Variants in SSU72 observed in about 807,000 individuals in gnomAD.
The protein encoded by SSU72 is RNA polymerase II subunit A C-terminal domain phosphatase SSU72.
Under a neutral mutation model 22.7 loss-of-function variants are expected in SSU72, and 12 were observed. The ratio of observed to expected loss-of-function variants is 0.53; its 90% confidence interval spans 0.34 to 0.86. The LOEUF (loss-of-function observed/expected upper bound fraction) is 0.86, where lower values mean the gene tolerates loss of function less well. SSU72 is among the 40% of genes least tolerant of loss of function. The pLI, the probability that SSU72 is intolerant of heterozygous loss-of-function variation, is 0.02. For synonymous variants in SSU72, 116 were observed against 98.3 expected, an observed-to-expected ratio of 1.18 and a Z score of -1.06; for missense variants, 151 against 249.8, an observed-to-expected ratio of 0.60 and a Z score of 2.67.
chr1:1,564,423 G>A, intron 2 of SSU72: 2 of 1,440,734 alleles, frequency 1.4e-6, no homozygotes. Flanking sequence ...AACCTGCAAA[G>A]GAAATAACGG....
chr1:1,571,828 C>T (rs1414001794), intron 1 of SSU72, among the ~76,000 whole-genome samples: 7 of 151,690 alleles, frequency 4.6e-5, no homozygotes, highest in Non-Finnish European at 1.0e-4. Context: ...CGCTCTGTCA[C>T]CCAGGCTGGA....
rs997806174 is a variant in SSU72 at position 1,554,716 on chromosome 1, G to A, written c.225-9714C>T. Among the ~76,000 whole-genome samples the A allele has an allele frequency of 2.0e-5, 3 of 152,014 alleles. No homozygotes were observed. Among genetic ancestry groups the A allele is most frequent in the Non-Finnish European group, 2.9e-5 (2 of 67,980 alleles). ...GCCAGTGTGGCTGGCACCAGGGACCGCACTCTCCCACCACGGCCTGGGAAA... is the reference window on the plus strand; with the variant it reads ...GCCAGTGTGGCTGGCACCAGGGACCACACTCTCCCACCACGGCCTGGGAAA... On this transcript the variant is annotated intron_variant, in intron 2 of 4. Transcript: ENST00000291386. The surrounding 1 kb of genome is among the most constrained non-coding windows in gnomAD (Gnocchi z 4.1).
At chr1:1,567,656 T>C (rs60445846) in intron 1 of SSU72, among the ~76,000 whole-genome samples, 9,769 of 152,084 alleles carry the variant, frequency 0.064, 998 homozygotes, top group African/African-American at 0.22. Context: ...CAATAAAATA[T>C]GTTCCGTCAA....
intron 2 of SSU72, among the ~76,000 whole-genome samples, chr1:1,557,308 G>C (rs1642533134): frequency 6.6e-6 from 1 of 152,114 alleles, no homozygotes; most frequent in Non-Finnish European, 1.5e-5. Context: ...AGCTACTCAG[G>C]AGGCTGAGGC....
intron 2 of SSU72, among the ~76,000 whole-genome samples, chr1:1,556,983 T>C (rs903532170): frequency 1.5e-4 from 23 of 152,228 alleles, no homozygotes; most frequent in African/African-American, 5.5e-4. Flanking sequence ...TTACCTGAAA[T>C]ATCTTAAGGC....
At chr1:1,553,112 C>T (rs1043359099) in intron 2 of SSU72, among the ~76,000 whole-genome samples, 4 of 151,944 alleles carry the variant, frequency 2.6e-5, no homozygotes, top group Non-Finnish European at 4.4e-5. Flanking sequence ...AGACTAAACC[C>T]GAAACATTCC....
chr1:1,556,398 G>A (rs913700644), intron 2 of SSU72, among the ~76,000 whole-genome samples: 2 of 152,072 alleles, frequency 1.3e-5, no homozygotes, highest in Admixed American at 6.6e-5. Flanking sequence ...AAATTAGCCG[G>A]ACGTGGTGGG....
At chr1:1,543,323 C>T (rs1055871102) in intron 4 of SSU72, among the ~76,000 whole-genome samples, 2 of 152,258 alleles carry the variant, frequency 1.3e-5, no homozygotes, top group African/African-American at 2.4e-5. Context: ...TCCCGGAGAG[C>T]TGCATGCTCT....
intron 2 of SSU72, among the ~76,000 whole-genome samples, chr1:1,557,724 G>A (rs1048246035): frequency 6.6e-6 from 1 of 151,820 alleles, no homozygotes; most frequent in Non-Finnish European, 1.5e-5. Context: ...CTTGAACCCG[G>A]GAGGCAAAGA....
chr1:1,557,130 G>A (rs780065041), intron 2 of SSU72, among the ~76,000 whole-genome samples: 6 of 152,332 alleles, frequency 3.9e-5, no homozygotes, highest in South Asian at 2.1e-4. Context: ...CACAGCTGCT[G>A]GGCGGGACGC....
At position 1,573,448 on chromosome 1, in the gene SSU72, AAAAAAAAAG is replaced by A. The variant is rs1276760350; in HGVS notation, c.80+1021_80+1029del. Among the ~76,000 whole-genome samples, 5 of 46,372 alleles carry A rather than the reference AAAAAAAAAG, an allele frequency of 1.1e-4. No individual in the cohort carries two copies. In the African/African-American group the frequency reaches 2.5e-3, roughly 23 times the overall value. The allele number at this position is 46,372 out of a possible 152,430, so 30.4% of individuals were successfully genotyped here. A position where few individuals can be genotyped will look rare whatever the true frequency, so the allele number is the denominator to read the frequency against. ...CTGTCTCAAAAAAAAAAAAAAAAAA[AAAAAAAAAG>A]AAAGAAAAGAATAAAGAGAAAGAAT... On this transcript the variant is annotated intron_variant, in intron 1 of 4. Coordinates refer to ENST00000291386, the MANE Select transcript of SSU72 (RefSeq NM_014188.3).
chr1:1,547,700 C>CG (rs1642408082), intron 2 of SSU72, among the ~76,000 whole-genome samples: 1 of 152,220 alleles, frequency 6.6e-6, no homozygotes, highest in Admixed American at 6.5e-5. Context: ...GCGGGTGAGG[C>CG]GGGGCCTTCA....
intron 1 of SSU72, among the ~76,000 whole-genome samples, chr1:1,568,271 C>G (rs947456381): frequency 6.6e-6 from 1 of 152,182 alleles, no homozygotes. Flanking sequence ...ATCTTCCAGA[C>G]AAGTATTTGT....
At chr1:1,572,084 C>T (rs9439451) in intron 1 of SSU72, among the ~76,000 whole-genome samples, 11 of 150,778 alleles carry the variant, frequency 7.3e-5, no homozygotes, top group African/African-American at 2.2e-4. Flanking sequence ...CGTGAGCCAC[C>T]GCGCCCAGCC....
At chr1:1,562,927 C>G (rs1182082623) in intron 2 of SSU72, 1 of 152,374 alleles carries the variant, frequency 6.6e-6, no homozygotes, top group African/African-American at 2.4e-5. Context: ...CACTGACTTG[C>G]AGTGAGAGCC....
intron 2 of SSU72, chr1:1,546,295 T>C (rs1346104836): frequency 1.3e-5 from 2 of 152,218 alleles, no homozygotes; most frequent in African/African-American, 4.8e-5. Flanking sequence ...ATTGAAGTGG[T>C]TGATCTAACG....
intron 2 of SSU72, among the ~76,000 whole-genome samples, chr1:1,548,232 A>G (rs1642415881): frequency 6.6e-6 from 1 of 152,234 alleles, no homozygotes; most frequent in South Asian, 2.1e-4. Flanking sequence ...AGAGGCACAC[A>G]GGAGCCTCAG....
chr1:1,574,684 T>G lies in SSU72; in HGVS notation c.-127A>C, dbSNP rs1642789811. The G allele has an allele frequency of 1.1e-6, 1 of 951,122 alleles. No homozygotes were observed. Among genetic ancestry groups the G allele is most frequent in the Non-Finnish European group, 1.4e-6 (1 of 689,910 alleles). 58.9% of individuals were successfully genotyped at this position (951,122 alleles called of 1,614,324 possible). On this transcript the variant is annotated 5_prime_UTR_variant, in exon 1 of 5. Transcript: ENST00000291386. The stretch of plus-strand genomic sequence containing the variant: ...ACGCGAAACGACGGCGCCGGCGGTG[T>G]AGCGTGCGGCGACTGCGCGGCGGCC...
chr1:1,541,966 A>T lies in SSU72; in HGVS notation c.*100T>A. 8.8e-7 allele frequency: 1 copy of T among 1,134,170 alleles called. No homozygotes were observed. Among genetic ancestry groups the T allele is most frequent in the Non-Finnish European group, 1.3e-6 (1 of 777,924 alleles). 70.3% of individuals were successfully genotyped at this position (1,134,170 alleles called of 1,614,324 possible). A position where few individuals can be genotyped will look rare whatever the true frequency, so the allele number is the denominator to read the frequency against. Reference sequence around the variant, plus strand: ...ATGCACAGTTTATTTGGGTAATGCTACCGTCACCAGCAGAACACCTGTAAG... The same window carrying T: ...ATGCACAGTTTATTTGGGTAATGCTTCCGTCACCAGCAGAACACCTGTAAG... On this transcript the variant is annotated 3_prime_UTR_variant, in exon 5 of 5. Coordinates refer to ENST00000291386, the MANE Select transcript of SSU72 (RefSeq NM_014188.3).
Sources: allele counts gnomAD v4.1 joint callset (sites outside exome capture counted in the v4.1 genomes callset), GRCh38; gene constraint gnomAD v4.1.1; non-coding constraint Gnocchi (gnomAD v3.1); transcripts MANE v1.5; gene names NCBI Gene and HGNC (gene_info 2026-07-23, HGNC 2026-07-21).